The following SH3RF3 variants were observed in gnomAD, a reference collection of about 807,000 sequenced individuals.
The protein encoded by SH3RF3 is SH3 domain containing ring finger 3.
A neutral mutation model predicts 66.3 loss-of-function variants in SH3RF3; 29 were observed. The observed-to-expected ratio is 0.44, with a 90% CI of 0.33 to 0.60. The LOEUF (loss-of-function observed/expected upper bound fraction) is 0.60, where lower values mean the gene tolerates loss of function less well. Among genes scored for constraint, SH3RF3 ranks in the 20% least tolerant of loss-of-function variants. The pLI is 0.04. For missense variants in SH3RF3, 1,194 were observed against 1,190.9 expected (o/e 1.00, Z -0.04); for synonymous variants, 583 against 532.0 (o/e 1.10, Z -1.32).
At chr2:109,241,861 G>C (rs1479648050) in intron 1 of SH3RF3, among the ~76,000 whole-genome samples, 5 of 151,740 alleles carry the variant, frequency 3.3e-5, no homozygotes, top group Non-Finnish European at 5.9e-5. Flanking sequence ...CGCCTCCCGG[G>C]TTCACGCCAT....
chr2:109,146,759 C>T (rs565469225), intron 1 of SH3RF3, among the ~76,000 whole-genome samples: 2 of 151,428 alleles, frequency 1.3e-5, no homozygotes, highest in Admixed American at 6.6e-5. Context: ...ATCCTTCCTT[C>T]GAAAACTTGC....
At chr2:109,323,342 C>A (rs1682074297) in intron 1 of SH3RF3, among the ~76,000 whole-genome samples, 1 of 152,164 alleles carries the variant, frequency 6.6e-6, no homozygotes. Context: ...GAAGAAGATA[C>A]CTGTATGACT....
intron 8 of SH3RF3, among the ~76,000 whole-genome samples, chr2:109,489,089 C>T (rs1679058439): frequency 6.6e-6 from 1 of 152,160 alleles, no homozygotes; most frequent in African/African-American, 2.4e-5. Context: ...GGCCGAGACT[C>T]AGGCAGTGGA....
intron 1 of SH3RF3, among the ~76,000 whole-genome samples, chr2:109,183,561 C>T (rs1173183658): frequency 6.6e-6 from 1 of 151,664 alleles, no homozygotes; most frequent in Non-Finnish European, 1.5e-5. Context: ...TGAGTCTTAC[C>T]CCAGCTCTTC....
chr2:109,181,342 T>C (rs1396036941), intron 1 of SH3RF3, among the ~76,000 whole-genome samples: 1 of 152,224 alleles, frequency 6.6e-6, no homozygotes, highest in African/African-American at 2.4e-5. Flanking sequence ...GGTACATTAC[T>C]GTTCACTAAA....
intron 9 of SH3RF3, among the ~76,000 whole-genome samples, chr2:109,500,475 A>G (rs1445630506): frequency 6.6e-6 from 1 of 152,156 alleles, no homozygotes; most frequent in African/African-American, 2.4e-5. Flanking sequence ...ATTCCACACT[A>G]CAGCATATTG....
chr2:109,250,780 A>AG (rs1680070336), intron 1 of SH3RF3, among the ~76,000 whole-genome samples: 1 of 151,900 alleles, frequency 6.6e-6, no homozygotes, highest in Admixed American at 6.6e-5. Context: ...AGAAAAAAAA[A>AG]GTGCTTCAAT....
At chr2:109,197,879 C>T (rs989361083) in intron 1 of SH3RF3, among the ~76,000 whole-genome samples, 1 of 152,244 alleles carries the variant, frequency 6.6e-6, no homozygotes, top group Non-Finnish European at 1.5e-5. Flanking sequence ...GCACAGAAGA[C>T]TGCACTTGCC....
intron 1 of SH3RF3, among the ~76,000 whole-genome samples, chr2:109,200,737 CT>C (rs1678650536): frequency 6.6e-6 from 1 of 152,194 alleles, no homozygotes; most frequent in Non-Finnish European, 1.5e-5. Context: ...CTTGCTGCCC[CT>C]CCTCACCCCT....
At chr2:109,150,090 G>A (rs1677195408) in intron 1 of SH3RF3, among the ~76,000 whole-genome samples, 1 of 152,170 alleles carries the variant, frequency 6.6e-6, no homozygotes, top group Admixed American at 6.5e-5. Flanking sequence ...GTGCTGGGGT[G>A]AGCAGCACTG....
At chr2:109,467,504 G>T (rs578105995) in intron 8 of SH3RF3, among the ~76,000 whole-genome samples, 8 of 152,198 alleles carry the variant, frequency 5.3e-5, no homozygotes, top group Non-Finnish European at 1.2e-4. Flanking sequence ...CAGCAGGACT[G>T]GGGGGCTTGG....
intron 1 of SH3RF3, among the ~76,000 whole-genome samples, chr2:109,141,277 G>A (rs1676942074): frequency 6.6e-6 from 1 of 152,158 alleles, no homozygotes; most frequent in Non-Finnish European, 1.5e-5. Context: ...CGCATTCCTG[G>A]CAACCAGTGC....
chr2:109,249,473 C>CTT (rs201188763), intron 1 of SH3RF3, among the ~76,000 whole-genome samples: 3 of 19,602 alleles, frequency 1.5e-4, no homozygotes. Context: ...CTTTCTCTTT[C>CTT]TTTCTTTCTT....
chr2:109,410,093 C>T (rs1353734235), intron 4 of SH3RF3, among the ~76,000 whole-genome samples: 1 of 152,216 alleles, frequency 6.6e-6, no homozygotes, highest in African/African-American at 2.4e-5. Context: ...TTCCCAGCCA[C>T]TGCTTAGGGG....
intron 8 of SH3RF3, among the ~76,000 whole-genome samples, chr2:109,474,759 A>G (rs189977825): frequency 3.2e-4 from 48 of 152,292 alleles, no homozygotes; most frequent in Admixed American, 7.8e-4. Flanking sequence ...GGATCCAGTG[A>G]TCCGAGGCCC....
intron 1 of SH3RF3, among the ~76,000 whole-genome samples, chr2:109,334,946 AC>A (rs1360964231): frequency 6.6e-6 from 1 of 152,028 alleles, no homozygotes; most frequent in Non-Finnish European, 1.5e-5. Context: ...TCTGCTTTTA[AC>A]TCTTTGCGTG....
intron 1 of SH3RF3, among the ~76,000 whole-genome samples, chr2:109,161,568 A>G (rs1574480913): frequency 6.6e-6 from 1 of 151,748 alleles, no homozygotes; most frequent in South Asian, 2.1e-4. Context: ...GTGGAAGTTA[A>G]TAAAGAAAAA....
chr2:109,399,091 C>G lies in SH3RF3; in HGVS notation c.1299+148C>G. Reference sequence around the variant, plus strand: ...TTGAGTGGGGTTTGCCCTTTGCTGCCTGGCACTGGGGCCCCCCTAGAAGCG... The same window carrying G: ...TTGAGTGGGGTTTGCCCTTTGCTGCGTGGCACTGGGGCCCCCCTAGAAGCG... On this transcript the variant is annotated intron_variant, in intron 4 of 9. Transcript: ENST00000309415. The G allele has an allele frequency of 5.2e-6, 5 of 954,772 alleles. No homozygotes were observed. In the South Asian group the frequency reaches 6.8e-5, roughly 13 times the overall value. The allele number at this position is 954,772 out of a possible 1,614,324, so 59.1% of individuals were successfully genotyped here. A position where few individuals can be genotyped will look rare whatever the true frequency, so the allele number is the denominator to read the frequency against.
rs199515782 is a variant in SH3RF3 at position 109,247,448 on chromosome 2, G to T, written c.574-100226G>T. 1.1e-4 allele frequency among the ~76,000 whole-genome samples: 17 copies of T among 152,330 alleles called. 1 individual carries two copies. In the East Asian group the frequency reaches 3.3e-3, roughly 29 times the overall value. ...TCCCTGAACGTCACGGCTCCTGACC[G>T]TTCCTCTGAGGACACTTCCTGGAAG... On this transcript the variant is annotated intron_variant, in intron 1 of 9. Coordinates refer to ENST00000309415, the MANE Select transcript of SH3RF3 (RefSeq NM_001099289.3).
Sources: allele counts gnomAD v4.1 joint callset (sites outside exome capture counted in the v4.1 genomes callset), GRCh38; gene constraint gnomAD v4.1.1; transcripts MANE v1.5; gene names NCBI Gene and HGNC (gene_info 2026-07-23, HGNC 2026-07-21).